Variants in SIPA1L3 observed in about 807,000 individuals in gnomAD.
The protein encoded by SIPA1L3 is signal induced proliferation associated 1 like 3.
A neutral mutation model predicts 150.1 loss-of-function variants in SIPA1L3; 59 were observed. The observed-to-expected ratio is 0.39, with a 90% CI of 0.32 to 0.49. The LOEUF is 0.49. SIPA1L3 is among the 20% of genes least tolerant of loss of function. The pLI is 0.86. For missense variants in SIPA1L3, 2,211 were observed against 2,489.5 expected, an observed-to-expected ratio of 0.89 and a Z score of 2.38; for synonymous variants, 1,070 against 1,077.6, an observed-to-expected ratio of 0.99 and a Z score of 0.14.
chr19:38,161,714 G>A (rs1189667580), intron 13 of SIPA1L3, among the ~76,000 whole-genome samples: 6 of 151,914 alleles, frequency 3.9e-5, no homozygotes, highest in African/African-American at 7.3e-5. Context: ...GCGACAGAGC[G>A]AGACCCCATC....
chr19:38,082,856 C>T lies in SIPA1L3; in HGVS notation c.1291C>T (p.Arg431Cys), dbSNP rs1970035372. The T allele has an allele frequency of 1.9e-6, 3 of 1,613,694 alleles. No individual in the cohort carries two copies. The highest frequency in any genetic ancestry group is 1.7e-6 in the Non-Finnish European group (2 of 1,179,916). ...CCTGCTGCTCAGCTGCCCGCACTTCCGCAATGAGATCGGGGGCGAGTGTGA... is the reference window on the plus strand; with the variant it reads ...CCTGCTGCTCAGCTGCCCGCACTTCTGCAATGAGATCGGGGGCGAGTGTGA... ...NDLLLSCPHF[R>C]NEIGGECERN... Residue 431 changes from arginine (R) to cysteine (C), a missense_variant, in exon 3 of 22, where the codon CGC becomes TGC. Coordinates refer to ENST00000222345, the MANE Select transcript of SIPA1L3 (RefSeq NM_015073.3).
rs113185449 is a variant in SIPA1L3, at chr19:37,936,730, G to T, written c.-379+29372G>T. Among the ~76,000 whole-genome samples, 545 of 152,326 alleles carry T rather than the reference G, an allele frequency of 3.6e-3. 3 individuals carry two copies. The highest frequency in any genetic ancestry group is 0.013 in the African/African-American group (530 of 41,572). On this transcript the variant is annotated intron_variant, in intron 1 of 21. Transcript: ENST00000222345. ...AAGGGCATGGTGGAGTTGAGATGCA[G>T]TCTCTCCTGGTCTGGCTCTGGAGGC...
intron 21 of SIPA1L3, 67 bp from the exon 22 acceptor site, chr19:38,206,030 G>A (rs1198907533): frequency 1.4e-6 from 2 of 1,463,798 alleles, no homozygotes; most frequent in Admixed American, 2.4e-5. Context: ...CAGGCCTCAG[G>A]GAGCCATCGG....
intron 20 of SIPA1L3, among the ~76,000 whole-genome samples, chr19:38,202,504 C>T (rs1285539565): frequency 6.6e-6 from 1 of 152,070 alleles, no homozygotes; most frequent in Admixed American, 6.6e-5. Context: ...AGGAGAATTG[C>T]TTGAACCCGG....
chr19:38,155,891 G>A (rs1406039345), intron 13 of SIPA1L3, among the ~76,000 whole-genome samples: 2 of 152,096 alleles, frequency 1.3e-5, no homozygotes, highest in African/African-American at 4.8e-5. Context: ...GACCAGCCTG[G>A]CCAACTTGGC....
chr19:38,041,720 C>A (rs1366878249), intron 2 of SIPA1L3, among the ~76,000 whole-genome samples: 1 of 151,964 alleles, frequency 6.6e-6, no homozygotes, highest in Non-Finnish European at 1.5e-5. Flanking sequence ...GAGACTACAG[C>A]CACAAGCCAT....
rs146639022 is a variant in SIPA1L3, at chr19:38,007,861, G to A, written c.-378-21228G>A. The stretch of plus-strand genomic sequence containing the variant: ...CCTGTCTAAAATGGCCCTCCCTGTC[G>A]CTGTCTTCTGCTTTATTTTTCTTCA... On this transcript the variant is annotated intron_variant, in intron 1 of 21. Coordinates refer to ENST00000222345, the MANE Select transcript of SIPA1L3 (RefSeq NM_015073.3). Among the ~76,000 whole-genome samples, 150 of 152,098 alleles carry A rather than the reference G, an allele frequency of 9.9e-4. 1 individual carries two copies. In the East Asian group the frequency reaches 0.019, roughly 19 times the overall value.
intron 1 of SIPA1L3, among the ~76,000 whole-genome samples, chr19:37,910,951 A>G (rs756214228): frequency 6.6e-6 from 1 of 151,802 alleles, no homozygotes; most frequent in African/African-American, 2.4e-5. Flanking sequence ...GCGTGTGTGT[A>G]TGTATGTGAT....
At chr19:37,918,509 C>T (rs1327280865) in intron 1 of SIPA1L3, among the ~76,000 whole-genome samples, 2 of 151,970 alleles carry the variant, frequency 1.3e-5, no homozygotes, top group African/African-American at 2.4e-5. Flanking sequence ...CCGCCTGCCT[C>T]GGCCTCCCAA....
intron 1 of SIPA1L3, among the ~76,000 whole-genome samples, chr19:37,946,584 G>A (rs186969821): frequency 0.011 from 1,618 of 152,110 alleles, 21 homozygotes; most frequent in African/African-American, 0.029. Flanking sequence ...TCTCTGGGGG[G>A]TATTTTTATT....
chr19:38,197,106 T>C (rs1972974653), intron 18 of SIPA1L3, among the ~76,000 whole-genome samples: 1 of 152,062 alleles, frequency 6.6e-6, no homozygotes, highest in South Asian at 2.1e-4. Context: ...TCCTCTTCCA[T>C]GAGCAGAGAT....
chr19:38,154,252 G>A (rs1179178098), intron 13 of SIPA1L3, among the ~76,000 whole-genome samples: 1 of 152,186 alleles, frequency 6.6e-6, no homozygotes, highest in African/African-American at 2.4e-5. Context: ...CCCGTTGTAT[G>A]AATAAGCCAC....
At chr19:38,134,403 C>CAAA (rs1175309814) in intron 10 of SIPA1L3, among the ~76,000 whole-genome samples, 5 of 64,048 alleles carry the variant, frequency 7.8e-5, no homozygotes, top group Admixed American at 2.3e-4. Context: ...CAAGCTTTCT[C>CAAA]AAAAAAAAAA....
At chr19:37,975,152 C>T (rs768997448) in intron 1 of SIPA1L3, among the ~76,000 whole-genome samples, 12 of 152,186 alleles carry the variant, frequency 7.9e-5, no homozygotes, top group East Asian at 3.8e-4. Flanking sequence ...CTGGAGGGGA[C>T]GCAAGAGACT....
At chr19:37,945,585 A>G (rs751953287) in intron 1 of SIPA1L3, among the ~76,000 whole-genome samples, 13 of 151,918 alleles carry the variant, frequency 8.6e-5, no homozygotes, top group Non-Finnish European at 1.8e-4. Context: ...AGTTTGTTTT[A>G]TAGACATACT....
At chr19:37,990,143 T>A (rs974982972) in intron 1 of SIPA1L3, among the ~76,000 whole-genome samples, 21 of 152,090 alleles carry the variant, frequency 1.4e-4, no homozygotes, top group Non-Finnish European at 2.6e-4. Flanking sequence ...TACGGCCGCA[T>A]GCCTCTTCTG....
intron 3 of SIPA1L3, among the ~76,000 whole-genome samples, chr19:38,084,495 G>T (rs575816334): frequency 7.0e-6 from 1 of 143,576 alleles, no homozygotes; most frequent in Non-Finnish European, 1.5e-5. Context: ...GCTGGGAAAC[G>T]CAGGTTTTTA....
In SIPA1L3 at chr19:37,916,568, C is replaced by T. The variant is rs553470229; in HGVS notation, c.-379+9210C>T. Among the ~76,000 whole-genome samples the T allele has an allele frequency of 9.9e-5, 15 of 150,868 alleles. 2 individuals are homozygous for T. In the South Asian group the frequency reaches 3.2e-3, roughly 32 times the overall value. On this transcript the variant is annotated intron_variant, in intron 1 of 21. Coordinates refer to ENST00000222345, the MANE Select transcript of SIPA1L3 (RefSeq NM_015073.3). ...TCTGTCCATCTGTGAAACATTTCTT[C>T]ACCTACCCTGTGTGTCAGGGTCCAT...
At position 38,082,147 on chromosome 19, in the gene SIPA1L3, G is replaced by GGCGCTGCCCCTCTTCCGCGA; in HGVS notation, c.584_603dup (p.Tyr202ArgfsTer28). On this transcript the variant is annotated frameshift_variant, in exon 3 of 22. Transcript: ENST00000222345. LOFTEE classifies it high-confidence loss of function. ...AGCCGCGGGGGGCCCGGCACACGGG[G>GGCGCTGCCCCTCTTCCGCGA]GCGCTGCCCCTCTTCCGCGAGTACG... 1 of 1,605,994 alleles carries GGCGCTGCCCCTCTTCCGCGA rather than the reference G, an allele frequency of 6.2e-7. No individual in the cohort carries two copies. Among genetic ancestry groups the GGCGCTGCCCCTCTTCCGCGA allele is most frequent in the Non-Finnish European group, 8.5e-7 (1 of 1,179,458 alleles).
Sources: gnomAD v4.1 joint callset for allele counts (sites outside exome capture counted in the v4.1 genomes callset) on GRCh38, gnomAD v4.1.1 for gene constraint, MANE v1.5 for transcripts, NCBI Gene and HGNC (gene_info 2026-07-23, HGNC 2026-07-21) for gene names.